The following MUC22 variants were observed in gnomAD, a reference collection of about 807,000 sequenced individuals.
MUC22 encodes the protein mucin 22.
In MUC22, 24 loss-of-function variants were observed where a neutral mutation model predicts 40.3. That is an observed-to-expected ratio of 0.60 (90% confidence interval 0.43 to 0.84). The LOEUF (loss-of-function observed/expected upper bound fraction) is 0.84, where lower values mean the gene tolerates loss of function less well. Ranked by LOEUF, MUC22 falls within the 40% of genes least tolerant of loss-of-function variation. The probability of loss-of-function intolerance (pLI) is 0.00; values close to 1 mark genes in which losing one functional copy is unlikely to be tolerated. For synonymous variants in MUC22, 765 were observed against 844.5 expected (o/e 0.91, Z 1.63); for missense variants, 1,926 against 2,130.7 (o/e 0.90, Z 1.89).
upstream of MUC22, among the ~76,000 whole-genome samples, chr6:31,008,345 A>T (rs545010990): frequency 2.5e-4 from 38 of 152,140 alleles, no homozygotes; most frequent in Non-Finnish European, 4.3e-4. Flanking sequence ...AACGAGAGGG[A>T]GCTCAGGAGA....
chr6:31,029,393 C>G (rs776665921), exon 2 of MUC22: 1 of 1,532,624 alleles, frequency 6.5e-7, no homozygotes. Context: ...GTCTCTACCA[C>G]GGGCTCTGAG....
chr6:31,009,459 C>T (rs146459599), upstream of MUC22, among the ~76,000 whole-genome samples: 4 of 152,316 alleles, frequency 2.6e-5, no homozygotes, highest in East Asian at 7.7e-4. Context: ...CCTCCCCTGC[C>T]TCCTCCCCAT....
exon 4 of MUC22, chr6:31,034,727 G>C (rs1448735153): frequency 2.6e-6 from 4 of 1,535,694 alleles, no homozygotes. Context: ...CATGGCCACA[G>C]CCACAGCCTT....
chr6:31,013,167 C>T (rs980811152), intron 1 of MUC22, among the ~76,000 whole-genome samples: 2 of 144,426 alleles, frequency 1.4e-5, no homozygotes, highest in East Asian at 2.3e-4. Context: ...GGCTCTGTCG[C>T]CCAGGCTAGA....
chr6:31,019,888 G>A (rs934883013), intron 1 of MUC22, among the ~76,000 whole-genome samples: 1 of 152,144 alleles, frequency 6.6e-6, no homozygotes, highest in Non-Finnish European at 1.5e-5. Context: ...GTGGCAGCCT[G>A]GCATGTTTTG....
At chr6:31,010,038 C>T (rs2523926), upstream of MUC22, among the ~76,000 whole-genome samples, 22,488 of 152,166 alleles carry the variant, frequency 0.15, 1,743 homozygotes, top group Admixed American at 0.2. Context: ...GAAAGCCGGG[C>T]GTGTGTCCTG....
chr6:31,010,940 C>T (rs13191258), intron 1 of MUC22, among the ~76,000 whole-genome samples, 164 bp downstream of exon 1: 5,949 of 144,942 alleles, frequency 0.041, 173 homozygotes, highest in South Asian at 0.082. Context: ...AGTACTGATC[C>T]CAATTCCACT....
intron 1 of MUC22, among the ~76,000 whole-genome samples, chr6:31,022,054 T>C (rs1239233577): frequency 2.6e-5 from 4 of 151,834 alleles, no homozygotes; most frequent in African/African-American, 9.7e-5. Context: ...TAACACTCAC[T>C]GTGAAGGTTT....
At chr6:31,020,263 T>C (rs2150761913) in intron 1 of MUC22, among the ~76,000 whole-genome samples, 1 of 152,096 alleles carries the variant, frequency 6.6e-6, no homozygotes, top group South Asian at 2.1e-4. Context: ...CATAACAGAC[T>C]TCCTGTGAAA....
At chr6:31,010,575 T>G in exon 1 of MUC22, 2 of 628,690 alleles carry the variant, frequency 3.2e-6, no homozygotes, top group Non-Finnish European at 2.9e-6. Context: ...GGCTGGCCTT[T>G]GGGTCTTTTT....
At chr6:31,017,015 G>A (rs959776363) in intron 1 of MUC22, among the ~76,000 whole-genome samples, 15 of 152,214 alleles carry the variant, frequency 9.9e-5, no homozygotes, top group East Asian at 7.7e-4. Flanking sequence ...AATTCTCGCC[G>A]GACCTCAGCT....
chr6:31,021,202 T>G (rs895560471), intron 1 of MUC22, among the ~76,000 whole-genome samples: 3 of 152,254 alleles, frequency 2.0e-5, no homozygotes, highest in Admixed American at 1.3e-4. Context: ...GGTGAGGACG[T>G]GGAGAGTCTT....
chr6:31,027,176 G>A, exon 2 of MUC22: 1 of 1,501,472 alleles, frequency 6.7e-7, no homozygotes, highest in Non-Finnish European at 8.9e-7. Flanking sequence ...TTTGCTGCAG[G>A]CTCTGAGACA....
chr6:31,028,519 A>T, exon 2 of MUC22: 1 of 1,531,660 alleles, frequency 6.5e-7, no homozygotes. Context: ...GGCATCCATC[A>T]TGGGCTCTGA....
At chr6:31,010,885 T>G in intron 1 of MUC22, 109 bp downstream of exon 1, 1 of 595,278 alleles carries the variant, frequency 1.7e-6, no homozygotes, top group Non-Finnish European at 2.9e-6. Flanking sequence ...GAAACAATGA[T>G]GATTCATTTT....
In MUC22 at chr6:31,034,822, G is replaced by A. The variant is rs1258801805; in HGVS notation, c.5206G>A (p.Gly1736Arg). The A allele has an allele frequency of 2.0e-6, 3 of 1,535,592 alleles. No individual in the cohort carries two copies. In the South Asian group the frequency reaches 3.6e-5, roughly 18 times the overall value. ...GGTTCATGGAGGAGAACTTGAAATGGGACATGGAGGAACACACGGCTTTGG... is the reference window on the plus strand; with the variant it reads ...GGTTCATGGAGGAGAACTTGAAATGAGACATGGAGGAACACACGGCTTTGG... Residue 1736 changes from glycine (G) to arginine (R), a missense_variant, in exon 4 of 4, where the codon GGA becomes AGA. Gly to Arg is a moderately radical substitution (Grantham distance 125). Transcript: ENST00000561890.
Position 31,021,832 on chromosome 6 carries a change from G to A in MUC22, c.71-3670G>A, listed in dbSNP as rs181268977. Among the ~76,000 whole-genome samples, 67 of 152,232 alleles carry A rather than the reference G, an allele frequency of 4.4e-4. No homozygotes were observed. The East Asian group carries it at 0.013, about 29-fold the overall frequency. On this transcript the variant is annotated intron_variant, in intron 1 of 3. Transcript: ENST00000561890. ...AAAGCAGGCTGCCCGAGCCAGCAGT[G>A]GCAACCTGCTTGGGTCGTTTTCCAC...
At chr6:31,016,132 C>CT (rs28993413) in intron 1 of MUC22, among the ~76,000 whole-genome samples, 7,773 of 139,532 alleles carry the variant, frequency 0.056, 263 homozygotes, top group South Asian at 0.11. Flanking sequence ...GCATCTCTTA[C>CT]TTTTTTTTTT....
At position 31,034,850 on chromosome 6, in the gene MUC22, A is replaced by G. The variant is rs1472100419; in HGVS notation, c.5234A>G (p.Tyr1745Cys). 14 of 1,535,398 alleles carry G rather than the reference A, an allele frequency of 9.1e-6. No homozygotes were observed. The highest frequency in any genetic ancestry group is 4.8e-5 in the South Asian group (4 of 84,060). ...CATGGAGGAACACACGGCTTTGGAT[A>G]TGGAGTGGGCCATGGACTGAGCCAC... The change falls in exon 4 of 4, where the codon TAT becomes TGT. Residue 1745 changes from tyrosine (Y) to cysteine (C), a missense_variant. By Grantham distance (194) the Tyr-to-Cys change is radical. Transcript: ENST00000561890.
Sources: allele counts gnomAD v4.1 joint callset (sites outside exome capture counted in the v4.1 genomes callset), GRCh38; gene constraint gnomAD v4.1.1; transcripts MANE v1.5; gene names NCBI Gene and HGNC (gene_info 2026-07-23, HGNC 2026-07-21).